Variants in DLG2 observed in about 807,000 individuals in gnomAD.
DLG2 encodes disks large homolog 2.
In DLG2, 45 loss-of-function variants were observed where a neutral mutation model predicts 132.5. The ratio of observed to expected loss-of-function variants is 0.34; its 90% CI spans 0.27 to 0.44. The LOEUF is 0.44. Among genes scored for constraint, DLG2 ranks in the 20% least tolerant of loss-of-function variants. The pLI is 1.00. For synonymous variants in DLG2, 424 were observed against 419.6 expected (o/e 1.01, Z -0.13); for missense variants, 1,045 against 1,196.9 (o/e 0.87, Z 1.87).
intron 6 of DLG2, among the ~76,000 whole-genome samples, chr11:85,106,089 T>C (rs575867230): frequency 1.6e-4 from 24 of 151,966 alleles, no homozygotes; most frequent in Admixed American, 3.9e-4. Flanking sequence ...ATGTGGGTAA[T>C]GTGAGGCAGT....
chr11:84,465,661 C>A (rs7938253), intron 7 of DLG2, among the ~76,000 whole-genome samples: 4,505 of 151,286 alleles, frequency 0.03, 231 homozygotes, highest in African/African-American at 0.1. Flanking sequence ...GGAAATAACA[C>A]TTTTAACAAA....
chr11:85,482,460 C>A (rs1012791236), intron 3 of DLG2, among the ~76,000 whole-genome samples: 7 of 152,076 alleles, frequency 4.6e-5, no homozygotes, highest in Non-Finnish European at 8.8e-5. Context: ...CCAGGAGACC[C>A]CAGAAGAACC....
At chr11:84,549,074 A>C (rs2099396509) in intron 6 of DLG2, among the ~76,000 whole-genome samples, 1 of 152,202 alleles carries the variant, frequency 6.6e-6, no homozygotes. Context: ...AGTCCTGGAA[A>C]GGGTTTATCC....
chr11:85,258,744 A>T (rs1243731164), intron 4 of DLG2, among the ~76,000 whole-genome samples: 2 of 152,196 alleles, frequency 1.3e-5, no homozygotes, highest in Non-Finnish European at 2.9e-5. Context: ...CCCATAATAA[A>T]GCTGAGTTAA....
intron 3 of DLG2, among the ~76,000 whole-genome samples, chr11:85,311,200 T>G (rs1489686016): frequency 6.6e-6 from 1 of 152,236 alleles, no homozygotes; most frequent in Non-Finnish European, 1.5e-5. Context: ...ACTCTTCATC[T>G]ATATCGATGT....
intron 5 of DLG2, among the ~76,000 whole-genome samples, chr11:85,118,900 T>C (rs2073978763): frequency 6.6e-6 from 1 of 151,730 alleles, no homozygotes; most frequent in Non-Finnish European, 1.5e-5. Context: ...TACATTATAA[T>C]ATATATAACA....
chr11:84,660,130 T>A (rs777610224), intron 6 of DLG2, among the ~76,000 whole-genome samples: 1 of 152,058 alleles, frequency 6.6e-6, no homozygotes, highest in Non-Finnish European at 1.5e-5. Context: ...GGAGACAGAA[T>A]TGATACCACA....
At chr11:84,623,658 C>T (rs189837759) in intron 6 of DLG2, among the ~76,000 whole-genome samples, 3 of 152,242 alleles carry the variant, frequency 2.0e-5, no homozygotes, top group African/African-American at 7.2e-5. Context: ...TAACTACACA[C>T]ATTTTAATAG....
At chr11:84,108,168 A>T (rs919652936) in intron 9 of DLG2, among the ~76,000 whole-genome samples, 1 of 152,150 alleles carries the variant, frequency 6.6e-6, no homozygotes, top group Non-Finnish European at 1.5e-5. Context: ...GAAAACATAG[A>T]TTTATGGGGA....
Position 83,461,383 on chromosome 11 carries a change from A to T in DLG2, c.2821+619T>A, listed in dbSNP as rs2089983993. On this transcript the variant is annotated intron_variant, in intron 27 of 27. Coordinates refer to ENST00000376104, the MANE Select transcript of DLG2 (RefSeq NM_001142699.3). Reference sequence around the variant, plus strand: ...GTCTGATTACTCAGTGTTCTATGAAAGTATATAGGAATACAGAACTCAGAA... The same window carrying T: ...GTCTGATTACTCAGTGTTCTATGAATGTATATAGGAATACAGAACTCAGAA... Among the ~76,000 whole-genome samples the T allele has an allele frequency of 2.0e-5, 3 of 152,156 alleles. No individual in the cohort carries two copies. In the South Asian group the frequency reaches 6.2e-4, roughly 32 times the overall value.
chr11:83,557,261 A>G lies in DLG2; in HGVS notation c.1941-15403T>C, dbSNP rs2096537024. Among the ~76,000 whole-genome samples the G allele has an allele frequency of 2.0e-5, 3 of 152,240 alleles. No homozygotes were observed. The South Asian group carries it at 6.2e-4, about 31-fold the overall frequency. On this transcript the variant is annotated intron_variant, in intron 19 of 27. Transcript: ENST00000376104. Reference sequence around the variant, plus strand: ...CTATTTGGTTTGTTTGTTAAATGCAACAATAAAAGCATGTACAATCTGTAG... The same window carrying G: ...CTATTTGGTTTGTTTGTTAAATGCAGCAATAAAAGCATGTACAATCTGTAG...
intron 7 of DLG2, among the ~76,000 whole-genome samples, chr11:84,447,115 CATATT>C (rs2099037482): frequency 6.6e-6 from 1 of 152,074 alleles, no homozygotes; most frequent in Admixed American, 6.5e-5. Context: ...CAAAAGTCAC[CATATT>C]ATAATAGTTA....
intron 6 of DLG2, among the ~76,000 whole-genome samples, chr11:84,695,702 AC>A (rs1021118973): frequency 1.3e-5 from 2 of 151,516 alleles, no homozygotes; most frequent in Non-Finnish European, 3.0e-5. Context: ...TGTGATTGGT[AC>A]TATTGAACAG....
intron 6 of DLG2, among the ~76,000 whole-genome samples, chr11:84,831,055 G>T (rs960149498): frequency 7.2e-6 from 1 of 139,430 alleles, no homozygotes; most frequent in Non-Finnish European, 1.5e-5. Context: ...AGGGGCAACA[G>T]ATCTCCTAAA....
At chr11:83,613,057 G>A (rs2060334712) in intron 19 of DLG2, among the ~76,000 whole-genome samples, 1 of 152,218 alleles carries the variant, frequency 6.6e-6, no homozygotes, top group Non-Finnish European at 1.5e-5. Flanking sequence ...CTGGCCTAAT[G>A]TTTCCATGCC....
Position 84,502,234 on chromosome 11 carries a change from CCT to C in DLG2, c.519+32334_519+32335del, listed in dbSNP as rs2099213523. Among the ~76,000 whole-genome samples, 17 of 27,180 alleles carry C rather than the reference CCT, an allele frequency of 6.3e-4. 6 individuals carry two copies. The African/African-American group carries it at 0.011, about 17-fold the overall frequency. 17.8% of individuals were successfully genotyped at this position (27,180 alleles called of 152,430 possible). ...TCCTTCCTTCCTTCCTTCCTTCCTT[CCT>C]TCCTTCCTTCCTTCCTTCCTTCCTT... On this transcript the variant is annotated intron_variant, in intron 7 of 27. Coordinates refer to ENST00000376104, the MANE Select transcript of DLG2 (RefSeq NM_001142699.3).
chr11:84,910,762 A>AACAACAACAAC (rs2091981776), intron 6 of DLG2, among the ~76,000 whole-genome samples: 1 of 141,296 alleles, frequency 7.1e-6, no homozygotes, highest in Non-Finnish European at 1.6e-5. Context: ...AAGGAAGAAA[A>AACAACAACAAC]AACAACAACA....
intron 7 of DLG2, among the ~76,000 whole-genome samples, chr11:84,430,870 T>C (rs1272467097): frequency 1.3e-5 from 2 of 152,182 alleles, no homozygotes; most frequent in Non-Finnish European, 2.9e-5. Flanking sequence ...TCACCACAGC[T>C]AGGCAGACAC....
intron 7 of DLG2, among the ~76,000 whole-genome samples, chr11:84,429,298 T>A (rs2098976819): frequency 6.6e-6 from 1 of 152,020 alleles, no homozygotes; most frequent in South Asian, 2.1e-4. Context: ...TTATAGAAAA[T>A]CAGAATTAGA....
Sources: allele counts gnomAD v4.1 joint callset (sites outside exome capture counted in the v4.1 genomes callset), GRCh38; gene constraint gnomAD v4.1.1; transcripts MANE v1.5; gene names NCBI Gene and HGNC (gene_info 2026-07-23, HGNC 2026-07-21).